HMCN2: variants seen among roughly 807,000 people sequenced by gnomAD.
HMCN2 encodes hemicentin 2, also known as hemicentin-2.
Under a neutral mutation model 377.5 loss-of-function variants are expected in HMCN2, and 325 were observed. The observed-to-expected ratio is 0.86, with a 90% CI of 0.79 to 0.94. The LOEUF (loss-of-function observed/expected upper bound fraction) is 0.94. Among genes scored for constraint, HMCN2 ranks in the 40% least tolerant of loss-of-function variants. HMCN2 has a pLI of 0.00. For synonymous variants in HMCN2, 2,007 were observed against 2,046.8 expected (o/e 0.98, Z 0.53); for missense variants, 4,543 against 4,725.3 (o/e 0.96, Z 1.13).
Position 130,351,819 on chromosome 9 carries a change from GT to G in HMCN2, c.4585+252del, listed in dbSNP as rs892182934. On this transcript the variant is annotated intron_variant, in intron 30 of 97. Coordinates refer to ENST00000683500, the MANE Select transcript of HMCN2 (RefSeq NM_001291815.2). This position sits in a 1 kb window ranked among gnomAD's most constrained non-coding sequence, Gnocchi z 5.4. ...CCAGCTCTAAAAATTTACTACTTATGTTTTTTTTTTGAGATGAATTCTCTCT... is the reference window on the plus strand; with the variant it reads ...CCAGCTCTAAAAATTTACTACTTATGTTTTTTTTTGAGATGAATTCTCTCT... Among the ~76,000 whole-genome samples the G allele has an allele frequency of 2.0e-5, 3 of 149,718 alleles. No homozygotes were observed. The highest frequency in any genetic ancestry group is 7.4e-5 in the African/African-American group (3 of 40,740).
chr9:130,398,825 G>T, intron 75 of HMCN2, 118 bp downstream of exon 75: 1 of 890,892 alleles, frequency 1.1e-6, no homozygotes, highest in Non-Finnish European at 1.5e-6. Flanking sequence ...ACCGGAGTCA[G>T]GACCAGAACT....
intron 15 of HMCN2, among the ~76,000 whole-genome samples, chr9:130,315,137 G>A (rs1366936834): frequency 6.8e-6 from 1 of 146,464 alleles, no homozygotes; most frequent in East Asian, 2.0e-4. Context: ...CAGGAAGTTA[G>A]TTACCCCTTC....
rs190035413 is a variant in HMCN2 at position 130,291,452 on chromosome 9, C to T, written c.613-3403C>T. Among the ~76,000 whole-genome samples the T allele has an allele frequency of 2.6e-4, 39 of 152,282 alleles. No individual in the cohort carries two copies. In the East Asian group the frequency reaches 4.6e-3, roughly 18 times the overall value. On this transcript the variant is annotated intron_variant, in intron 4 of 97. Transcript: ENST00000683500. The stretch of plus-strand genomic sequence containing the variant: ...CTCAAACTTCTGACCTAAGGTGATC[C>T]GCCTGCCTCGGCCTCCCAAAGTGCT...
intron 1 of HMCN2, among the ~76,000 whole-genome samples, chr9:130,278,817 G>T (rs1834945832): frequency 6.6e-6 from 1 of 151,268 alleles, no homozygotes; most frequent in Non-Finnish European, 1.5e-5. Flanking sequence ...CCAACCTCAG[G>T]TGATCCACCC....
chr9:130,429,391 G>C, intron 93 of HMCN2, 166 bp from the exon 94 acceptor site: 1 of 784,522 alleles, frequency 1.3e-6, no homozygotes, highest in Non-Finnish European at 2.0e-6. Flanking sequence ...CCTCCAACCT[G>C]GTATAACTGG....
rs770319137 is a variant in HMCN2, at chr9:130,357,937, C to T, written c.5529C>T (p.Leu1843=). 270 of 1,304,084 alleles carry T rather than the reference C, an allele frequency of 2.1e-4. No homozygotes were observed. The highest frequency in any genetic ancestry group is 2.6e-4 in the Non-Finnish European group (257 of 988,912). 80.8% of individuals were successfully genotyped at this position (1,304,084 alleles called of 1,614,324 possible). The change falls in exon 35 of 98, where the codon CTC becomes CTT. Residue 1843 remains leucine, a synonymous_variant. Transcript: ENST00000683500. ...GGGATGGGGTGCCCACCCCAAGCCT[C>T]CGTTGGTGGAAGGATGGTGTAGCCC... ...CIGDGVPTPS[L]RWWKDGVALA...
At chr9:130,404,631 ATG>A (rs138458577) in intron 80 of HMCN2, among the ~76,000 whole-genome samples, 8 of 151,916 alleles carry the variant, frequency 5.3e-5, no homozygotes, top group East Asian at 1.9e-4. Flanking sequence ...ATGTGCATGC[ATG>A]TGTGTGTGTG....
chr9:130,405,151 C>G (rs779584278), intron 81 of HMCN2, 92 bp downstream of exon 81: 22 of 860,480 alleles, frequency 2.6e-5, no homozygotes, highest in Non-Finnish European at 3.3e-5. Context: ...GCCTTTAACC[C>G]TGGGAGCCTG....
chr9:130,432,661 C>G, intron 97 of HMCN2, 106 bp downstream of exon 97: 3 of 1,258,260 alleles, frequency 2.4e-6, no homozygotes, highest in Admixed American at 2.1e-5. Flanking sequence ...ACAAGTGATG[C>G]AGGCAGGAAC....
chr9:130,280,437 G>A (rs185989585), intron 1 of HMCN2, among the ~76,000 whole-genome samples: 149 of 151,844 alleles, frequency 9.8e-4, no homozygotes, highest in Non-Finnish European at 1.4e-3. Context: ...CTCCCAAAGT[G>A]CTGGGATTAC....
intron 85 of HMCN2, among the ~76,000 whole-genome samples, chr9:130,411,564 C>T (rs1843406789): frequency 7.3e-6 from 1 of 137,742 alleles, no homozygotes; most frequent in Non-Finnish European, 1.5e-5. Flanking sequence ...CGTGCCATCG[C>T]ACTCCAGCCT....
chr9:130,282,113 G>C (rs1835153221), intron 1 of HMCN2, among the ~76,000 whole-genome samples: 1 of 152,218 alleles, frequency 6.6e-6, no homozygotes. Flanking sequence ...CTTAGTCAAA[G>C]TAGAATTTGA....
At chr9:130,344,074 C>T (rs1395315507) in intron 25 of HMCN2, among the ~76,000 whole-genome samples, 2 of 152,114 alleles carry the variant, frequency 1.3e-5, no homozygotes, top group Non-Finnish European at 2.9e-5. Flanking sequence ...CTCCTTGTCA[C>T]AGAGCTTCAG....
chr9:130,287,349 C>T (rs563814701), intron 4 of HMCN2, among the ~76,000 whole-genome samples: 35 of 152,160 alleles, frequency 2.3e-4, no homozygotes, highest in African/African-American at 7.7e-4. Flanking sequence ...TTTGCTGGTG[C>T]GGCCCATTCT....
chr9:130,375,770 CA>C (rs1841344265), intron 50 of HMCN2, 34 bp downstream of exon 50: 1 of 984,722 alleles, frequency 1.0e-6, no homozygotes, highest in East Asian at 1.1e-4. Context: ...AGGGAGGGAA[CA>C]GGTGACATGT....
chr9:130,421,262 G>A (rs566019783), intron 86 of HMCN2, among the ~76,000 whole-genome samples: 1 of 152,160 alleles, frequency 6.6e-6, no homozygotes, highest in Non-Finnish European at 1.5e-5. Flanking sequence ...TGTCAAATGA[G>A]CAACGTAGTT....
chr9:130,294,045 G>C (rs1289240080), intron 4 of HMCN2, among the ~76,000 whole-genome samples: 1 of 152,132 alleles, frequency 6.6e-6, no homozygotes, highest in Admixed American at 6.5e-5. Flanking sequence ...AGTGACCTTG[G>C]GTTGGCATAG....
chr9:130,418,382 G>A (rs1267926139), intron 85 of HMCN2, among the ~76,000 whole-genome samples: 4 of 152,204 alleles, frequency 2.6e-5, no homozygotes, highest in Admixed American at 6.5e-5. Context: ...CCAATATGAC[G>A]AAACCCCATC....
intron 46 of HMCN2, among the ~76,000 whole-genome samples, chr9:130,371,788 A>G (rs1841034383): frequency 6.6e-6 from 1 of 152,238 alleles, no homozygotes; most frequent in Admixed American, 6.5e-5. Flanking sequence ...GGAATGTGGC[A>G]ATCAGTTAGT....
Sources: gnomAD v4.1 joint callset for allele counts (sites outside exome capture counted in the v4.1 genomes callset) on GRCh38, gnomAD v4.1.1 for gene constraint, Gnocchi (gnomAD v3.1) non-coding constraint, MANE v1.5 for transcripts, NCBI Gene and HGNC (gene_info 2026-07-23, HGNC 2026-07-21) for gene names.